RASAL1: variants seen among roughly 807,000 people sequenced by gnomAD.
RASAL1 encodes rasGAP-activating-like protein 1.
Under a neutral mutation model 96.6 loss-of-function variants are expected in RASAL1, and 72 were observed. The observed-to-expected ratio is 0.75, with a 90% confidence interval of 0.62 to 0.91. The LOEUF is 0.91. RASAL1 is among the 40% of genes least tolerant of loss of function. RASAL1 has a pLI of 0.00. For synonymous variants in RASAL1, 405 were observed against 430.4 expected (o/e 0.94, Z 0.73); for missense variants, 1,016 against 1,072.5 (o/e 0.95, Z 0.74).
At chr12:113,105,656 G>T (rs537650584) in intron 16 of RASAL1, 58 bp downstream of exon 16, 34 of 1,505,074 alleles carry the variant, frequency 2.3e-5, no homozygotes, top group Non-Finnish European at 3.0e-5. Context: ...GTACAAAGAG[G>T]CAGCACACTG....
At chr12:113,120,335 G>A (rs1056661753) in intron 5 of RASAL1, among the ~76,000 whole-genome samples, 1 of 152,166 alleles carries the variant, frequency 6.6e-6, no homozygotes, top group Admixed American at 6.5e-5. Flanking sequence ...ATGGGCTCAA[G>A]GAAGACCAGG....
chr12:113,108,834 TTTC>T (rs1950745603), intron 13 of RASAL1, among the ~76,000 whole-genome samples: 1 of 87,746 alleles, frequency 1.1e-5, no homozygotes, highest in Non-Finnish European at 2.2e-5. Context: ...TTTTTTTTTC[TTTC>T]TTTTTTTTTT....
chr12:113,110,459 T>C (rs968730395), intron 13 of RASAL1, among the ~76,000 whole-genome samples: 3 of 152,220 alleles, frequency 2.0e-5, no homozygotes, highest in Admixed American at 2.0e-4. Flanking sequence ...TCATCTCACC[T>C]GATGTTATCT....
rs1401993664 is a variant in RASAL1, at chr12:113,112,274, T to G, written c.1186A>C (p.Ile396Leu). 1.6e-6 allele frequency: 2 copies of G among 1,258,848 alleles called. No individual in the cohort carries two copies. Among genetic ancestry groups the G allele is most frequent in the Non-Finnish European group, 1.0e-6 (1 of 993,422 alleles). The allele number at this position is 1,258,848 out of a possible 1,614,324, so 78.0% of individuals were successfully genotyped here. The stretch of plus-strand genomic sequence containing the variant: ...TCCGAGAGTGCGCCTTTGAAGGAGA[T>G]CCTCCTGGAGGGGCCGGCGGAGCAG... ...CKMDLGRTRRISFKGALSEEQ... is the reference protein window; with the variant it reads ...CKMDLGRTRRLSFKGALSEEQ... The change falls in exon 13 of 21, where the codon ATC (isoleucine) becomes CTC (leucine). Residue 396 changes from isoleucine (I) to leucine (L), a missense_variant. By Grantham distance (5) the Ile-to-Leu change is conservative (BLOSUM62 2). Transcript: ENST00000548055.
Position 113,130,991 on chromosome 12 carries a change from G to A in RASAL1, c.66-50C>T, listed in dbSNP as rs1951686311. On this transcript the variant is annotated intron_variant, in intron 1 of 20. Coordinates refer to ENST00000548055, the MANE Select transcript of RASAL1 (RefSeq NM_001301202.2). The surrounding 1 kb of genome is among the most constrained non-coding windows in gnomAD (Gnocchi z 5.1). ...GGAAGCAGGTTGAGAGGGCAGCCAT[G>A]AGTGGAGGGTCCCAGTCATGACACA... 1 of 1,449,358 alleles carries A rather than the reference G, an allele frequency of 6.9e-7. No individual in the cohort carries two copies. The highest frequency in any genetic ancestry group is 9.7e-7 in the Non-Finnish European group (1 of 1,034,654). The allele number at this position is 1,449,358 out of a possible 1,614,324, so 89.8% of individuals were successfully genotyped here.
intron 13 of RASAL1, among the ~76,000 whole-genome samples, chr12:113,110,603 T>C (rs1402721782): frequency 6.6e-6 from 1 of 152,138 alleles, no homozygotes; most frequent in Non-Finnish European, 1.5e-5. Flanking sequence ...GGTTTTCAGG[T>C]GAATTCATGC....
At chr12:113,136,456 T>C (rs1404889250), upstream of RASAL1, among the ~76,000 whole-genome samples, 1 of 152,218 alleles carries the variant, frequency 6.6e-6, no homozygotes, top group Non-Finnish European at 1.5e-5. Flanking sequence ...ACTACTCCAC[T>C]GTTACCCCAT....
rs1437361166 is a variant in RASAL1, at chr12:113,127,866, C to T, written c.244G>A (p.Asp82Asn). 3.7e-6 allele frequency: 6 copies of T among 1,613,324 alleles called. No homozygotes were observed. The highest frequency in any genetic ancestry group is 5.1e-6 in the Non-Finnish European group (6 of 1,179,390). ...CTCAGCGAGATCTTGCCGATGATGT[C>T]GTCGTGCCTGCAGGAAGGCGGGCAC... Reference protein sequence around the residue: ...VLDEDTVGHDDIIGKISLSRE... With the variant: ...VLDEDTVGHDNIIGKISLSRE... Residue 82 changes from aspartate (D) to asparagine (N), a missense_variant, in exon 4 of 21, where the codon GAC (aspartate) becomes AAC (asparagine). Asp to Asn is a conservative substitution (Grantham distance 23, BLOSUM62 1). Transcript: ENST00000548055.
intron 19 of RASAL1, among the ~76,000 whole-genome samples, chr12:113,100,955 G>A (rs1950423446): frequency 6.6e-6 from 1 of 152,314 alleles, no homozygotes; most frequent in African/African-American, 2.4e-5. Flanking sequence ...GACACAGAGA[G>A]GTTAGGTAAC....
chr12:113,115,513 G>T lies in RASAL1; in HGVS notation c.1003+122C>A. 7.5e-7 allele frequency: 1 copy of T among 1,328,536 alleles called. No individual in the cohort carries two copies. The highest frequency in any genetic ancestry group is 1.5e-5 in the South Asian group (1 of 68,790). The allele number at this position is 1,328,536 out of a possible 1,614,324, so 82.3% of individuals were successfully genotyped here. On this transcript the variant is annotated intron_variant, in intron 10 of 20. Coordinates refer to ENST00000548055, the MANE Select transcript of RASAL1 (RefSeq NM_001301202.2). The surrounding 1 kb of genome is among the most constrained non-coding windows in gnomAD (Gnocchi z 4.1). Reference sequence around the variant, plus strand: ...CAACTGTCTGGAGGTGCACAGCACAGGGACCCACAGAAAAAGGAGCCCTTT... The same window carrying T: ...CAACTGTCTGGAGGTGCACAGCACATGGACCCACAGAAAAAGGAGCCCTTT...
intron 13 of RASAL1, among the ~76,000 whole-genome samples, chr12:113,109,668 C>A (rs1244221770): frequency 6.6e-6 from 1 of 152,234 alleles, no homozygotes; most frequent in African/African-American, 2.4e-5. Context: ...TGAAACAATG[C>A]CCTCCCCGGG....
Position 113,130,196 on chromosome 12 carries a change from C to T in RASAL1, c.122+689G>A, listed in dbSNP as rs1046071977. Among the ~76,000 whole-genome samples the T allele has an allele frequency of 4.6e-5, 7 of 152,184 alleles. No individual in the cohort carries two copies. Among genetic ancestry groups the T allele is most frequent in the African/African-American group, 1.2e-4 (5 of 41,436 alleles). On this transcript the variant is annotated intron_variant, in intron 2 of 20. Transcript: ENST00000548055. The surrounding 1 kb of genome is among the most constrained non-coding windows in gnomAD (Gnocchi z 5.1). Reference sequence around the variant, plus strand: ...GGGCTGAGAGCTGTCCCTCGGCCTGCGGGGGTGGGAGCCAAGCAGGGCGCA... The same window carrying T: ...GGGCTGAGAGCTGTCCCTCGGCCTGTGGGGGTGGGAGCCAAGCAGGGCGCA...
intron 12 of RASAL1, among the ~76,000 whole-genome samples, chr12:113,114,587 G>A (rs926658476): frequency 2.6e-5 from 4 of 152,176 alleles, no homozygotes; most frequent in Non-Finnish European, 5.9e-5. Flanking sequence ...TTTGAACCCA[G>A]GGCGCTTAGC....
chr12:113,136,122 G>A (rs1402341619), upstream of RASAL1: 1 of 152,442 alleles, frequency 6.6e-6, no homozygotes, highest in Non-Finnish European at 1.5e-5. Context: ...GCAAGTATTA[G>A]TGGTGGGTGG....
chr12:113,099,711 C>A lies in RASAL1; in HGVS notation c.*218G>T. On this transcript the variant is annotated 3_prime_UTR_variant, in exon 21 of 21. Coordinates refer to ENST00000548055, the MANE Select transcript of RASAL1 (RefSeq NM_001301202.2). ...CTATCCACTCCAGTCTGAATCAAGC[C>A]AGAGGGCAAGTTTCACTCAGTGCAA... 1 of 508,264 alleles carries A rather than the reference C, an allele frequency of 2.0e-6. No individual in the cohort carries two copies. Among genetic ancestry groups the A allele is most frequent in the Non-Finnish European group, 3.3e-6 (1 of 306,376 alleles). 31.5% of individuals were successfully genotyped at this position (508,264 alleles called of 1,614,324 possible).
chr12:113,112,188 G>T lies in RASAL1; in HGVS notation c.1272C>A (p.Asp424Glu). 1.6e-6 allele frequency: 2 copies of T among 1,260,390 alleles called. No homozygotes were observed. The highest frequency in any genetic ancestry group is 2.0e-6 in the Non-Finnish European group (2 of 994,454). 78.1% of individuals were successfully genotyped at this position (1,260,390 alleles called of 1,614,324 possible). Residue 424 changes from aspartate (D) to glutamate (E), a missense_variant, in exon 13 of 21, where the codon GAC becomes GAA. Transcript: ENST00000548055. ...LLTGYLGPIV[D>E]AIVGSVGRCP... ...AGCGCCCCACGGAGCCCACGATGGC[G>T]TCCACGATGGGCCCCAGGTAGCCCG...
chr12:113,107,057 G>T, intron 15 of RASAL1, 40 bp downstream of exon 15: 5 of 1,581,084 alleles, frequency 3.2e-6, no homozygotes, highest in Non-Finnish European at 4.3e-6. Flanking sequence ...TGTCTCAACT[G>T]GGCTGAGAAG....
Position 113,105,884 on chromosome 12 carries a change from C to T in RASAL1, c.1660G>A (p.Ala554Thr). The T allele has an allele frequency of 1.2e-6, 2 of 1,612,162 alleles. No homozygotes were observed. Among genetic ancestry groups the T allele is most frequent in the African/African-American group, 1.3e-5 (1 of 75,032 alleles). Residue 554 changes from alanine (A) to threonine (T), a missense_variant and splice_region_variant, in exon 16 of 21, where the codon GCT (alanine) becomes ACT (threonine). By Grantham distance (58) the Ala-to-Thr change is moderately conservative. Transcript: ENST00000548055. Reference sequence around the variant, plus strand: ...AACAGGGCCCTGGCTGGGACACCAGCTTCTAGGAGATGGGAGAAGAGAGCG... The same window carrying T: ...AACAGGGCCCTGGCTGGGACACCAGTTTCTAGGAGATGGGAGAAGAGAGCG... ...RLVDVDGDEE[A>T]GVPARALFPP...
At chr12:113,131,968 CTTTT>C (rs34936583) in intron 1 of RASAL1, among the ~76,000 whole-genome samples, 13 of 118,712 alleles carry the variant, frequency 1.1e-4, no homozygotes, top group Non-Finnish European at 1.6e-4. Flanking sequence ...TCTTCTTCTT[CTTTT>C]TTTTTTTTTT....
Sources: gnomAD v4.1 joint callset for allele counts (sites outside exome capture counted in the v4.1 genomes callset) on GRCh38, gnomAD v4.1.1 for gene constraint, Gnocchi (gnomAD v3.1) non-coding constraint, MANE v1.5 for transcripts, NCBI Gene and HGNC (gene_info 2026-07-23, HGNC 2026-07-21) for gene names.